CACNA2D3: variants seen among roughly 807,000 people sequenced by gnomAD.
CACNA2D3 encodes the protein voltage-dependent calcium channel subunit alpha-2/delta-3.
In CACNA2D3, 60 loss-of-function variants were observed where a neutral mutation model predicts 160.6. That is an observed-to-expected ratio of 0.37 (90% CI 0.30 to 0.46). CACNA2D3 has a LOEUF of 0.46. Ranked by LOEUF, CACNA2D3 falls within the 20% of genes least tolerant of loss-of-function variation. CACNA2D3 has a pLI of 1.00. For synonymous variants in CACNA2D3, 558 were observed against 492.9 expected, an observed-to-expected ratio of 1.13 and a Z score of -1.75; for missense variants, 1,205 against 1,365.0, an observed-to-expected ratio of 0.88 and a Z score of 1.85.
intron 14 of CACNA2D3, 54 bp from the exon 15 acceptor site, chr3:54,837,105 A>T (rs1698708472): frequency 3.3e-6 from 5 of 1,513,918 alleles, no homozygotes; most frequent in Non-Finnish European, 3.7e-6. Flanking sequence ...GGTGGCCTCC[A>T]GAACTGTGGT....
intron 4 of CACNA2D3, among the ~76,000 whole-genome samples, chr3:54,456,671 T>A (rs929776088): frequency 6.6e-6 from 1 of 151,990 alleles, no homozygotes; most frequent in Non-Finnish European, 1.5e-5. Context: ...TGGAAATAAT[T>A]TGAGAAGAAT....
At chr3:54,150,453 G>A (rs981978296) in intron 2 of CACNA2D3, among the ~76,000 whole-genome samples, 3 of 152,148 alleles carry the variant, frequency 2.0e-5, no homozygotes, top group African/African-American at 7.2e-5. Flanking sequence ...GAAGGGCAGG[G>A]ACTCCACAGG....
At chr3:54,142,116 T>G (rs1576954443) in intron 2 of CACNA2D3, among the ~76,000 whole-genome samples, 1 of 152,290 alleles carries the variant, frequency 6.6e-6, no homozygotes, top group East Asian at 1.9e-4. Flanking sequence ...GATGAGGAAT[T>G]ACTATGACAG....
chr3:54,578,887 T>C (rs1473947784), intron 8 of CACNA2D3, among the ~76,000 whole-genome samples: 1 of 152,208 alleles, frequency 6.6e-6, no homozygotes, highest in Non-Finnish European at 1.5e-5. Flanking sequence ...TTCAGGTCTG[T>C]TGCCTCACTC....
intron 27 of CACNA2D3, among the ~76,000 whole-genome samples, chr3:54,917,955 A>T (rs1352914115): frequency 1.3e-5 from 2 of 152,234 alleles, no homozygotes; most frequent in Non-Finnish European, 2.9e-5. Flanking sequence ...CATATACAAC[A>T]TCTAAAAGTA....
intron 35 of CACNA2D3, among the ~76,000 whole-genome samples, chr3:55,071,207 T>C (rs1488363688): frequency 1.3e-5 from 2 of 152,156 alleles, no homozygotes; most frequent in African/African-American, 2.4e-5. Context: ...TTGATATATT[T>C]TCCCCTTCTC....
At chr3:54,763,835 GTATATA>G in intron 12 of CACNA2D3, among the ~76,000 whole-genome samples, 1 of 76,314 alleles carries the variant, frequency 1.3e-5, no homozygotes, top group South Asian at 5.3e-4. Context: ...GTATATATAT[GTATATA>G]TATGTACATA....
At chr3:54,795,724 C>T (rs965689115) in intron 13 of CACNA2D3, among the ~76,000 whole-genome samples, 3 of 152,272 alleles carry the variant, frequency 2.0e-5, no homozygotes, top group East Asian at 3.9e-4. Flanking sequence ...AAATCTGCCT[C>T]TTTGAGGTTT....
intron 5 of CACNA2D3, among the ~76,000 whole-genome samples, chr3:54,523,348 T>TATAACG (rs1701676670): frequency 1.3e-5 from 2 of 152,206 alleles, no homozygotes; most frequent in African/African-American, 4.8e-5. Flanking sequence ...ATTAGATTAA[T>TATAACG]TGATTTCCAG....
intron 11 of CACNA2D3, among the ~76,000 whole-genome samples, chr3:54,736,074 C>T (rs13098233): frequency 6.4e-4 from 19 of 29,512 alleles, no homozygotes; most frequent in African/African-American, 1.3e-3. Context: ...TATATATATA[C>T]ATATATATGT....
At chr3:54,740,698 C>G (rs189009327) in intron 11 of CACNA2D3, among the ~76,000 whole-genome samples, 97 of 152,282 alleles carry the variant, frequency 6.4e-4, no homozygotes, top group Non-Finnish European at 1.0e-3. Context: ...CTTGACTTTT[C>G]TTACTGACAG....
At chr3:54,714,650 A>G (rs1421559787) in intron 11 of CACNA2D3, among the ~76,000 whole-genome samples, 1 of 152,156 alleles carries the variant, frequency 6.6e-6, no homozygotes, top group East Asian at 1.9e-4. Flanking sequence ...AAATTTTACA[A>G]TCATAGACTA....
At chr3:54,890,495 CAAAAAAAA>C (rs34740812) in intron 24 of CACNA2D3, among the ~76,000 whole-genome samples, 1 of 60,860 alleles carries the variant, frequency 1.6e-5, no homozygotes, top group Non-Finnish European at 3.2e-5. Context: ...GACTCCGTCT[CAAAAAAAA>C]AAAAAAAAAA....
At chr3:54,543,374 C>T (rs1343298290) in intron 5 of CACNA2D3, among the ~76,000 whole-genome samples, 1 of 152,184 alleles carries the variant, frequency 6.6e-6, no homozygotes, top group African/African-American at 2.4e-5. Flanking sequence ...CATAGGGTGA[C>T]TTTAATTTCC....
chr3:54,793,186 G>A (rs756987171), intron 13 of CACNA2D3, among the ~76,000 whole-genome samples: 1 of 152,166 alleles, frequency 6.6e-6, no homozygotes, highest in Non-Finnish European at 1.5e-5. Flanking sequence ...ACCATCCAAA[G>A]TTCAGTCATC....
chr3:54,164,316 A>T (rs945772559), intron 2 of CACNA2D3, among the ~76,000 whole-genome samples: 3 of 152,114 alleles, frequency 2.0e-5, no homozygotes, highest in Non-Finnish European at 4.4e-5. Flanking sequence ...ACTGGCATGA[A>T]ATCTGTGAAT....
At chr3:54,235,832 C>T (rs1421565649) in intron 2 of CACNA2D3, among the ~76,000 whole-genome samples, 1 of 152,160 alleles carries the variant, frequency 6.6e-6, no homozygotes, top group Admixed American at 6.5e-5. Flanking sequence ...GTGTGTAACT[C>T]CCACTTCTCA....
At chr3:54,323,817 G>A (rs921825373) in intron 3 of CACNA2D3, among the ~76,000 whole-genome samples, 1 of 152,034 alleles carries the variant, frequency 6.6e-6, no homozygotes, top group Non-Finnish European at 1.5e-5. Context: ...TTTAGGTTTG[G>A]CCCTATCACT....
intron 2 of CACNA2D3, among the ~76,000 whole-genome samples, chr3:54,249,568 C>CACACACACACACACACACAG (rs1702143114): frequency 1.4e-5 from 2 of 147,958 alleles, no homozygotes; most frequent in African/African-American, 5.2e-5. Flanking sequence ...TACACACACA[C>CACACACACACACACACACAG]ACACACACAC....
Sources: gnomAD v4.1 joint callset for allele counts (sites outside exome capture counted in the v4.1 genomes callset) on GRCh38, gnomAD v4.1.1 for gene constraint, MANE v1.5 for transcripts, NCBI Gene and HGNC (gene_info 2026-07-23, HGNC 2026-07-21) for gene names.